Variants in COG5 observed in about 807,000 individuals in gnomAD.
The protein encoded by COG5 is conserved oligomeric Golgi complex subunit 5.
In COG5, 86 loss-of-function variants were observed where a neutral mutation model predicts 110.4. That is an observed-to-expected ratio of 0.78 (90% CI 0.65 to 0.93). The LOEUF (loss-of-function observed/expected upper bound fraction) is 0.93, where lower values mean the gene tolerates loss of function less well. Ranked by LOEUF, COG5 falls within the 40% of genes least tolerant of loss-of-function variation. The pLI is 0.00. For synonymous variants in COG5, 360 were observed against 334.6 expected (o/e 1.08, Z -0.83); for missense variants, 1,077 against 987.0 (o/e 1.09, Z -1.22).
chr7:107,378,376 T>C (rs935392353), intron 7 of COG5, among the ~76,000 whole-genome samples: 12 of 151,884 alleles, frequency 7.9e-5, no homozygotes, highest in Non-Finnish European at 1.8e-4. Context: ...TTCCAGAAAA[T>C]CACAACTCCT....
At chr7:107,376,907 T>C (rs974620385) in intron 7 of COG5, among the ~76,000 whole-genome samples, 2 of 152,188 alleles carry the variant, frequency 1.3e-5, no homozygotes, top group Non-Finnish European at 2.9e-5. Context: ...TTATGTTATA[T>C]TTCTGGAATA....
intron 14 of COG5, among the ~76,000 whole-genome samples, chr7:107,268,196 G>C (rs866030093): frequency 6.6e-6 from 1 of 152,078 alleles, no homozygotes; most frequent in African/African-American, 2.4e-5. Context: ...TCAAACTCCC[G>C]AACTCAGGTG....
At chr7:107,353,523 T>C (rs544813054) in intron 10 of COG5, among the ~76,000 whole-genome samples, 17 of 152,206 alleles carry the variant, frequency 1.1e-4, no homozygotes, top group African/African-American at 3.8e-4. Context: ...AATATATCTT[T>C]TCAAATTATC....
intron 17 of COG5, among the ~76,000 whole-genome samples, chr7:107,241,444 T>TATA (rs1801620560): frequency 3.8e-5 from 5 of 132,742 alleles, no homozygotes; most frequent in Admixed American, 1.5e-4. Context: ...ATATATATAT[T>TATA]TATTTTTTAT....
intron 10 of COG5, among the ~76,000 whole-genome samples, chr7:107,354,821 AT>A (rs1295719429): frequency 6.6e-6 from 1 of 152,216 alleles, no homozygotes; most frequent in African/African-American, 2.4e-5. Context: ...CTCATCTGAT[AT>A]TTGAGATTAC....
At chr7:107,349,812 C>T (rs1329656812) in intron 10 of COG5, among the ~76,000 whole-genome samples, 3 of 152,192 alleles carry the variant, frequency 2.0e-5, no homozygotes, top group South Asian at 4.1e-4. Context: ...CCCGCCTTAG[C>T]CTCCCAAAGT....
chr7:107,446,190 C>T (rs2129089901), intron 6 of COG5, among the ~76,000 whole-genome samples: 1 of 152,334 alleles, frequency 6.6e-6, no homozygotes, highest in East Asian at 1.9e-4. Flanking sequence ...GATCCTTAAT[C>T]TTCAAATCGC....
intron 12 of COG5, among the ~76,000 whole-genome samples, chr7:107,291,373 G>T (rs957781991): frequency 1.3e-5 from 2 of 152,128 alleles, no homozygotes; most frequent in Non-Finnish European, 2.9e-5. Flanking sequence ...ACCACAACCA[G>T]CCAAAACTGG....
In COG5 at chr7:107,201,500, G is replaced by C; in HGVS notation, c.*2016C>G. 1 of 955,150 alleles carries C rather than the reference G, an allele frequency of 1.0e-6. No individual in the cohort carries two copies. Among genetic ancestry groups the C allele is most frequent in the Non-Finnish European group, 1.7e-6 (1 of 597,436 alleles). 59.2% of individuals were successfully genotyped at this position (955,150 alleles called of 1,614,324 possible). A position where few individuals can be genotyped will look rare whatever the true frequency, so the allele number is the denominator to read the frequency against. On this transcript the variant is annotated 3_prime_UTR_variant, in exon 22 of 22. Transcript: ENST00000297135. ...GACTCTTGATGGAAAGACTTAAGAA[G>C]ATCAAGGTCTCACCATTTGTCCTCA...
At chr7:107,218,273 T>C (rs1416084111) in intron 19 of COG5, among the ~76,000 whole-genome samples, 2 of 152,116 alleles carry the variant, frequency 1.3e-5, no homozygotes, top group Non-Finnish European at 2.9e-5. Flanking sequence ...ATGTCCATAC[T>C]ATCCAAACCA....
At chr7:107,293,444 G>A (rs907569179) in intron 12 of COG5, among the ~76,000 whole-genome samples, 13 of 152,134 alleles carry the variant, frequency 8.5e-5, no homozygotes, top group African/African-American at 2.9e-4. Context: ...AAGCTAAGGC[G>A]GGTAAGACGG....
chr7:107,503,119 GT>G (rs1237094606), intron 6 of COG5, among the ~76,000 whole-genome samples: 1 of 152,100 alleles, frequency 6.6e-6, no homozygotes, highest in Non-Finnish European at 1.5e-5. Flanking sequence ...TTCTCCTACG[GT>G]TTGTATGGCT....
intron 14 of COG5, among the ~76,000 whole-genome samples, chr7:107,263,468 C>G (rs1803536882): frequency 1.3e-5 from 2 of 152,058 alleles, no homozygotes; most frequent in South Asian, 4.1e-4. Context: ...GAGAAATGTA[C>G]ATACTGGTTA....
chr7:107,327,675 C>T (rs1303612984), intron 10 of COG5, among the ~76,000 whole-genome samples: 1 of 152,010 alleles, frequency 6.6e-6, no homozygotes, highest in Non-Finnish European at 1.5e-5. Context: ...AAATAAATGG[C>T]TGGCCAACAA....
chr7:107,230,608 G>A lies in COG5; in HGVS notation c.2168+7C>T. ...TATGAATGTATGAACAAAGAATTCG[G>A]TCTTACCTGAATGATCTCAGCATCC... On this transcript the variant is annotated splice_region_variant and intron_variant, in intron 19 of 21. Coordinates refer to ENST00000297135, the MANE Select transcript of COG5 (RefSeq NM_006348.5). 2 of 1,602,406 alleles carry A rather than the reference G, an allele frequency of 1.2e-6. No homozygotes were observed. Among genetic ancestry groups the A allele is most frequent in the Admixed American group, 1.7e-5 (1 of 60,010 alleles).
At chr7:107,394,999 C>A (rs151124486) in intron 7 of COG5, among the ~76,000 whole-genome samples, 10 of 152,282 alleles carry the variant, frequency 6.6e-5, no homozygotes, top group Admixed American at 2.0e-4. Flanking sequence ...TGTTGCTCTG[C>A]TGTTATAGTC....
At chr7:107,487,070 A>G (rs1797696706) in intron 6 of COG5, among the ~76,000 whole-genome samples, 1 of 152,228 alleles carries the variant, frequency 6.6e-6, no homozygotes, top group African/African-American at 2.4e-5. Flanking sequence ...TCCATTATTA[A>G]GTAAAATATT....
chr7:107,557,936 A>C, intron 2 of COG5, 40 bp downstream of exon 2: 1 of 1,609,096 alleles, frequency 6.2e-7, no homozygotes, highest in Non-Finnish European at 8.5e-7. Flanking sequence ...TTATCACTTT[A>C]GGCTGAATAA....
intron 6 of COG5, among the ~76,000 whole-genome samples, chr7:107,508,618 G>T (rs972752971): frequency 6.6e-6 from 1 of 152,170 alleles, no homozygotes; most frequent in African/African-American, 2.4e-5. Context: ...AGCCTAACTG[G>T]GAGGCACCCC....
Sources: allele counts gnomAD v4.1 joint callset (sites outside exome capture counted in the v4.1 genomes callset), GRCh38; gene constraint gnomAD v4.1.1; transcripts MANE v1.5; gene names NCBI Gene and HGNC (gene_info 2026-07-23, HGNC 2026-07-21).